Variants in TOP3A observed in about 807,000 individuals in gnomAD.
TOP3A encodes DNA topoisomerase III alpha.
A neutral mutation model predicts 111.3 loss-of-function variants in TOP3A; 64 were observed. The ratio of observed to expected loss-of-function variants is 0.57; its 90% CI spans 0.47 to 0.71. The LOEUF (loss-of-function observed/expected upper bound fraction) is 0.71. Among genes scored for constraint, TOP3A ranks in the 30% least tolerant of loss-of-function variants. The pLI, the probability that TOP3A is intolerant of heterozygous loss-of-function variation, is 0.00. For synonymous variants in TOP3A, 484 were observed against 485.1 expected (o/e 1.00, Z 0.03); for missense variants, 1,104 against 1,285.0 (o/e 0.86, Z 2.15).
At chr17:18,287,724 G>T (rs1171671944) in intron 13 of TOP3A, among the ~76,000 whole-genome samples, 1 of 152,090 alleles carries the variant, frequency 6.6e-6, no homozygotes, top group African/African-American at 2.4e-5. Flanking sequence ...GCCGGGCATG[G>T]TGGCTAACAC....
chr17:18,304,501 C>T (rs1981436006), intron 5 of TOP3A, among the ~76,000 whole-genome samples: 1 of 152,142 alleles, frequency 6.6e-6, no homozygotes, highest in South Asian at 2.1e-4. Flanking sequence ...ATGGCCTGTT[C>T]ATCACTCCCT....
At chr17:18,310,853 C>T (rs935115420) in intron 1 of TOP3A, among the ~76,000 whole-genome samples, 6 of 152,154 alleles carry the variant, frequency 3.9e-5, no homozygotes, top group African/African-American at 9.7e-5. Flanking sequence ...CTTAACTCAT[C>T]GGTGTCTCTT....
At chr17:18,300,356 T>G (rs1377161814) in intron 8 of TOP3A, among the ~76,000 whole-genome samples, 2 of 148,784 alleles carry the variant, frequency 1.3e-5, no homozygotes, top group Non-Finnish European at 3.0e-5. Context: ...ATCGTGCCAT[T>G]GCACTCCAGC....
rs200670857 is a variant in TOP3A at position 18,314,096 on chromosome 17, G to GT, written c.180+502dup. ...AATCCCCAAACCTTACCGTGTTGCT[G>GT]TAAGTGTGCACTGTGAGGCTGGAAA... On this transcript the variant is annotated intron_variant, in intron 1 of 18. Transcript: ENST00000321105. Among the ~76,000 whole-genome samples the GT allele has an allele frequency of 5.8e-3, 880 of 151,826 alleles. 10 individuals are homozygous for GT. Among genetic ancestry groups the GT allele is most frequent in the African/African-American group, 0.019 (789 of 41,122 alleles).
intron 16 of TOP3A, among the ~76,000 whole-genome samples, chr17:18,282,196 G>A (rs4925159): frequency 0.5 from 75,633 of 152,064 alleles, 20,253 homozygotes; most frequent in African/African-American, 0.7. Flanking sequence ...AACAAAAGTA[G>A]TATCTGCTGA....
chr17:18,286,454 T>C (rs1980111822), intron 13 of TOP3A, among the ~76,000 whole-genome samples: 1 of 152,000 alleles, frequency 6.6e-6, no homozygotes, highest in Admixed American at 6.6e-5. Context: ...AGGCGGAGCC[T>C]GCAGTGAGCG....
At position 18,274,841 on chromosome 17, in the gene TOP3A, C is replaced by T. The variant is rs1233169691; in HGVS notation, c.2967G>A (p.Gln989=). 22 of 1,614,082 alleles carry T rather than the reference C, an allele frequency of 1.4e-5. No homozygotes were observed. The highest frequency in any genetic ancestry group is 1.8e-5 in the Non-Finnish European group (21 of 1,180,034). Residue 989 remains glutamine, a synonymous_variant, in exon 19 of 19, where the codon CAG becomes CAA. Transcript: ENST00000321105. The part of the protein sequence containing the change: ...KKPRKCSLCH[Q]PGHTRPFCPQ... ...GACAAAAGGGACGGGTGTGTCCAGG[C>T]TGGTGGCAAAGGCTGCATTTCCGGG...
At chr17:18,280,173 A>ATT (rs144409807) in intron 17 of TOP3A, 33,781 of 107,970 alleles carry the variant, frequency 0.31, 3,890 homozygotes, top group East Asian at 0.32. Context: ...TTTAAATAAA[A>ATT]ATTTTTTTTT....
chr17:18,288,247 G>C (rs1980248462), intron 13 of TOP3A, among the ~76,000 whole-genome samples: 1 of 149,308 alleles, frequency 6.7e-6, no homozygotes, highest in Non-Finnish European at 1.5e-5. Context: ...CCACCTCCCG[G>C]GTTCAAGCAA....
At chr17:18,285,744 GC>G (rs1980054887) in intron 13 of TOP3A, among the ~76,000 whole-genome samples, 1 of 152,168 alleles carries the variant, frequency 6.6e-6, no homozygotes, top group Admixed American at 6.5e-5. Flanking sequence ...GTCAATTCCA[GC>G]TTCAAAGCTC....
intron 9 of TOP3A, among the ~76,000 whole-genome samples, chr17:18,297,380 G>T (rs1237634641): frequency 6.6e-6 from 1 of 152,126 alleles, no homozygotes; most frequent in African/African-American, 2.4e-5. Context: ...AGCTGAGACC[G>T]CACCATTGCA....
rs773521390 is a variant in TOP3A at position 18,314,519 on chromosome 17, C to G, written c.180+80G>C. 110 of 1,466,202 alleles carry G rather than the reference C, an allele frequency of 7.5e-5. 1 individual carries two copies. Among genetic ancestry groups the G allele is most frequent in the Middle Eastern group, 1.9e-4 (1 of 5,218 alleles). 90.8% of individuals were successfully genotyped at this position (1,466,202 alleles called of 1,614,324 possible). The stretch of plus-strand genomic sequence containing the variant: ...AAATGGGAGATAATCGCCTTCATCT[C>G]GATTCTTGGCGCCCACCACGCTGTC... On this transcript the variant is annotated intron_variant, in intron 1 of 18. Transcript: ENST00000321105.
At chr17:18,275,959 G>T (rs1326347118) in intron 18 of TOP3A, among the ~76,000 whole-genome samples, 2 of 152,134 alleles carry the variant, frequency 1.3e-5, no homozygotes, top group Admixed American at 1.3e-4. Flanking sequence ...CCGACCGGCT[G>T]AATCAGTTTT....
Position 18,290,985 on chromosome 17 carries a change from G to A in TOP3A, c.1324C>T (p.Leu442=). The A allele has an allele frequency of 6.2e-7, 1 of 1,614,218 alleles. No homozygotes were observed. Among genetic ancestry groups the A allele is most frequent in the Non-Finnish European group, 8.5e-7 (1 of 1,180,036 alleles). The change falls in exon 12 of 19, where the codon CTG becomes TTG. Residue 442 remains leucine (L), a synonymous_variant. Transcript: ENST00000321105. ...RLYEFIVRHF[L]ACCSQDAQGQ... The stretch of plus-strand genomic sequence containing the variant: ...TGAGCATCCTGGGAGCAGCAAGCCA[G>A]GAAATGGCGAACAATAAACTCGTAC...
At chr17:18,311,024 A>ATTT (rs1981877286) in intron 1 of TOP3A, among the ~76,000 whole-genome samples, 7 of 149,222 alleles carry the variant, frequency 4.7e-5, no homozygotes, top group Admixed American at 4.0e-4. Context: ...TTTTTGAGAC[A>ATTT]GAGTCTCACT....
intron 9 of TOP3A, among the ~76,000 whole-genome samples, chr17:18,297,692 C>T (rs2142976549): frequency 6.6e-6 from 1 of 152,052 alleles, no homozygotes; most frequent in East Asian, 1.9e-4. Flanking sequence ...CCTGAGGTGC[C>T]GGGATTGCAG....
chr17:18,312,094 C>CG (rs1954152394), intron 1 of TOP3A: 1 of 152,274 alleles, frequency 6.6e-6, no homozygotes. Flanking sequence ...GCGGCAGAGC[C>CG]GCTGTACTCT....
At chr17:18,285,693 C>T (rs778886387) in intron 13 of TOP3A, among the ~76,000 whole-genome samples, 173 bp from the exon 14 acceptor site, 5 of 152,214 alleles carry the variant, frequency 3.3e-5, no homozygotes, top group African/African-American at 4.8e-5. Flanking sequence ...ATGGCAACCT[C>T]AACTCTCTTG....
intron 1 of TOP3A, among the ~76,000 whole-genome samples, chr17:18,310,292 G>A (rs948210372): frequency 6.6e-6 from 1 of 151,988 alleles, no homozygotes; most frequent in East Asian, 1.9e-4. Flanking sequence ...TGGGCGTGGT[G>A]GTGGGTGCCT....
Sources: gnomAD v4.1 joint callset for allele counts (sites outside exome capture counted in the v4.1 genomes callset) on GRCh38, gnomAD v4.1.1 for gene constraint, MANE v1.5 for transcripts, NCBI Gene and HGNC (gene_info 2026-07-23, HGNC 2026-07-21) for gene names.